Variants in CTNNA3 observed in about 807,000 individuals in gnomAD.
CTNNA3 encodes catenin alpha 3, also known as catenin alpha-3.
In CTNNA3, 76 loss-of-function variants were observed where a neutral mutation model predicts 95.7. That is an observed-to-expected ratio of 0.79 (90% CI 0.66 to 0.96). CTNNA3 has a LOEUF of 0.96. Ranked by LOEUF, CTNNA3 falls within the 40% of genes least tolerant of loss-of-function variation. The pLI, the probability that CTNNA3 is intolerant of heterozygous loss-of-function variation, is 0.00. For missense variants in CTNNA3, 1,191 were observed against 1,089.8 expected, an observed-to-expected ratio of 1.09 and a Z score of -1.31; for synonymous variants, 431 against 374.4, an observed-to-expected ratio of 1.15 and a Z score of -1.74.
chr10:67,496,359 A>C (rs897682259), intron 5 of CTNNA3, among the ~76,000 whole-genome samples: 1 of 152,164 alleles, frequency 6.6e-6, no homozygotes, highest in Non-Finnish European at 1.5e-5. Context: ...AATAATAATA[A>C]AGGACTTTCT....
intron 5 of CTNNA3, among the ~76,000 whole-genome samples, chr10:67,325,476 T>A (rs1841502779): frequency 6.6e-6 from 1 of 152,232 alleles, no homozygotes; most frequent in Admixed American, 6.5e-5. Flanking sequence ...GTTTCTACCT[T>A]AATTTCACTG....
intron 5 of CTNNA3, among the ~76,000 whole-genome samples, chr10:67,278,813 A>AT (rs1266202778): frequency 6.6e-6 from 1 of 152,052 alleles, no homozygotes; most frequent in African/African-American, 2.4e-5. Flanking sequence ...AAACATTTTG[A>AT]TTTTTTCCCT....
At chr10:66,638,253 G>A (rs1269191910) in intron 9 of CTNNA3, among the ~76,000 whole-genome samples, 1 of 152,282 alleles carries the variant, frequency 6.6e-6, no homozygotes, top group Non-Finnish European at 1.5e-5. Context: ...GTTCCTGCAA[G>A]TGACTTGTTT....
intron 5 of CTNNA3, among the ~76,000 whole-genome samples, chr10:67,405,108 C>T (rs550277846): frequency 1.3e-5 from 2 of 152,290 alleles, no homozygotes; most frequent in African/African-American, 4.8e-5. Context: ...CAAAAATACA[C>T]TGAAGTATAC....
rs71472402 is a variant in CTNNA3 at position 65,930,199 on chromosome 10, T to TAAAAAAAAAAA, written c.2401-9593_2401-9583dup. On this transcript the variant is annotated intron_variant, in intron 17 of 17. Transcript: ENST00000433211. ...GGTGAGTGTATCAGTCAGAGCTCAG[T>TAAAAAAAAAAA]AAAAAAAAAAAAAAAAAAAAAAAAA... 6.6e-5 allele frequency among the ~76,000 whole-genome samples: 4 copies of TAAAAAAAAAAA among 60,740 alleles called. 1 individual carries two copies. Among genetic ancestry groups the TAAAAAAAAAAA allele is most frequent in the Non-Finnish European group, 6.4e-5 (2 of 31,146 alleles). 39.8% of individuals were successfully genotyped at this position (60,740 alleles called of 152,430 possible). A position where few individuals can be genotyped will look rare whatever the true frequency, so the allele number is the denominator to read the frequency against.
intron 13 of CTNNA3, 44 bp downstream of exon 13, chr10:66,280,426 T>C (rs1274516071): frequency 6.5e-7 from 1 of 1,548,256 alleles, no homozygotes; most frequent in Non-Finnish European, 8.8e-7. Flanking sequence ...TTCCAGATGG[T>C]GAAGAACATT....
At chr10:67,727,593 CAT>C (rs1157964226) in intron 1 of CTNNA3, among the ~76,000 whole-genome samples, 1 of 123,168 alleles carries the variant, frequency 8.1e-6, no homozygotes, top group African/African-American at 3.1e-5. Flanking sequence ...TGATATATAT[CAT>C]ATATCATATA....
intron 14 of CTNNA3, among the ~76,000 whole-genome samples, chr10:66,069,963 A>G (rs2080400313): frequency 6.6e-6 from 1 of 152,156 alleles, no homozygotes; most frequent in East Asian, 1.9e-4. Context: ...CATAATAAAG[A>G]AAAAACAATG....
intron 5 of CTNNA3, among the ~76,000 whole-genome samples, chr10:67,251,536 G>T (rs1866109162): frequency 6.6e-6 from 1 of 152,146 alleles, no homozygotes; most frequent in Non-Finnish European, 1.5e-5. Context: ...CCATACATAT[G>T]TCATCAGAAA....
At chr10:66,681,835 T>G (rs74141638) in intron 9 of CTNNA3, among the ~76,000 whole-genome samples, 1,959 of 152,298 alleles carry the variant, frequency 0.013, 53 homozygotes, top group African/African-American at 0.044. Flanking sequence ...GATACCTTTT[T>G]GGGGGTTTGT....
At chr10:66,453,520 G>C (rs2093477899) in intron 11 of CTNNA3, among the ~76,000 whole-genome samples, 1 of 152,220 alleles carries the variant, frequency 6.6e-6, no homozygotes. Flanking sequence ...GGAGAAAGAA[G>C]TGCTAGGGAA....
At chr10:66,604,349 C>T (rs1472029850) in intron 10 of CTNNA3, among the ~76,000 whole-genome samples, 1 of 152,128 alleles carries the variant, frequency 6.6e-6, no homozygotes, top group East Asian at 1.9e-4. Flanking sequence ...CAGGGGCCCC[C>T]CGTTCCCCTG....
In CTNNA3 at chr10:67,403,028, G is replaced by A. The variant is rs565075604; in HGVS notation, c.579+118814C>T. On this transcript the variant is annotated intron_variant, in intron 5 of 17. Transcript: ENST00000433211. ...AGCCACCAGCAACAGGGTAGTGCCT[G>A]CCTGAGATGGAATGGAGCTGCCAGG... Among the ~76,000 whole-genome samples the A allele has an allele frequency of 7.9e-5, 12 of 152,326 alleles. No homozygotes were observed. The East Asian group carries it at 2.3e-3, about 29-fold the overall frequency.
At chr10:66,825,449 T>C (rs1842473982) in intron 7 of CTNNA3, among the ~76,000 whole-genome samples, 2 of 151,538 alleles carry the variant, frequency 1.3e-5, no homozygotes, top group South Asian at 4.2e-4. Context: ...CTAATTTTGG[T>C]ATTTTTAGTA....
At chr10:66,443,604 T>C (rs1452808504) in intron 11 of CTNNA3, among the ~76,000 whole-genome samples, 1 of 152,136 alleles carries the variant, frequency 6.6e-6, no homozygotes, top group African/African-American at 2.4e-5. Context: ...CAAACCTGCA[T>C]CTGAGGGTCC....
chr10:67,515,021 A>G (rs900775772), intron 5 of CTNNA3, among the ~76,000 whole-genome samples: 1 of 152,172 alleles, frequency 6.6e-6, no homozygotes, highest in Non-Finnish European at 1.5e-5. Flanking sequence ...AGATGTCTCT[A>G]TAATGTTTTT....
chr10:66,496,491 G>A (rs1165449425), intron 11 of CTNNA3, among the ~76,000 whole-genome samples: 1 of 152,092 alleles, frequency 6.6e-6, no homozygotes, highest in Non-Finnish European at 1.5e-5. Context: ...AAATTAAGTA[G>A]ACATTACATA....
chr10:66,561,455 C>A (rs1842550691), intron 10 of CTNNA3, among the ~76,000 whole-genome samples: 1 of 152,118 alleles, frequency 6.6e-6, no homozygotes, highest in Non-Finnish European at 1.5e-5. Flanking sequence ...CTATTTCTCA[C>A]ATTTTTATCG....
intron 13 of CTNNA3, among the ~76,000 whole-genome samples, chr10:66,168,510 T>A (rs1320551537): frequency 6.6e-6 from 1 of 152,272 alleles, no homozygotes; most frequent in South Asian, 2.1e-4. Context: ...AGAATAGTAA[T>A]AGCTATACTC....
Sources: gnomAD v4.1 joint callset for allele counts (sites outside exome capture counted in the v4.1 genomes callset) on GRCh38, gnomAD v4.1.1 for gene constraint, MANE v1.5 for transcripts, NCBI Gene and HGNC (gene_info 2026-07-23, HGNC 2026-07-21) for gene names.